Variants in OTULIN observed in about 807,000 individuals in gnomAD.
OTULIN encodes OTU deubiquitinase with linear linkage specificity, also known as ubiquitin thioesterase otulin.
Under a neutral mutation model 39.6 loss-of-function variants are expected in OTULIN, and 15 were observed. The observed-to-expected ratio is 0.38, with a 90% CI of 0.25 to 0.58. The LOEUF (loss-of-function observed/expected upper bound fraction) is 0.58. Ranked by LOEUF, OTULIN falls within the 20% of genes least tolerant of loss-of-function variation. OTULIN has a pLI of 0.66. For synonymous variants in OTULIN, 156 were observed against 170.3 expected, an observed-to-expected ratio of 0.92 and a Z score of 0.65; for missense variants, 319 against 445.9, an observed-to-expected ratio of 0.72 and a Z score of 2.56.
the OTULIN span, chr5:14,705,066 C>T: frequency 6.6e-6 from 1 of 152,150 alleles, no homozygotes; most frequent in Non-Finnish European, 1.5e-5. Flanking sequence ...TGCTCTGTTG[C>T]TCAGGCTGGA....
At chr5:14,671,348 C>T (rs900231983) in intron 1 of OTULIN, among the ~76,000 whole-genome samples, 18 of 152,218 alleles carry the variant, frequency 1.2e-4, no homozygotes, top group Admixed American at 9.8e-4. Flanking sequence ...GTAGCTTACA[C>T]GGCCTCTTCC....
Position 14,690,201 on chromosome 5 carries a change from G to T in OTULIN, c.757G>T (p.Val253Leu). 6.2e-7 allele frequency: 1 copy of T among 1,614,188 alleles called. No individual in the cohort carries two copies. Among genetic ancestry groups the T allele is most frequent in the Non-Finnish European group, 8.5e-7 (1 of 1,180,028 alleles). Residue 253 changes from valine to leucine, a missense_variant, in exon 6 of 7, where the codon GTA becomes TTA. Transcript: ENST00000284274. This position sits in a 1 kb window ranked among gnomAD's most constrained non-coding sequence, Gnocchi z 4.5. ...LYNDKEKGKE[V>L]PFFSVLLFAR... ...TAATGATAAAGAGAAAGGAAAGGAA[G>T]TACCATTTTTCTCTGTGCTTCTGTT... is the stretch of plus-strand genomic sequence containing the variant.
chr5:14,674,351 A>G (rs143567535), intron 2 of OTULIN, among the ~76,000 whole-genome samples: 1 of 152,356 alleles, frequency 6.6e-6, no homozygotes, highest in African/African-American at 2.4e-5. Context: ...GGAGCTGCAT[A>G]GGGTTACTCT....
chr5:14,713,841 G>C, the OTULIN span, among the ~76,000 whole-genome samples: 1 of 152,200 alleles, frequency 6.6e-6, no homozygotes, highest in African/African-American at 2.4e-5. The surrounding 1 kb of genome is among the most constrained non-coding windows in gnomAD (Gnocchi z 4.4). Flanking sequence ...CTGCTCCTGA[G>C]CCTAGGCCCG....
At chr5:14,703,735 C>T (rs1433489620), downstream of OTULIN, among the ~76,000 whole-genome samples, 1 of 152,178 alleles carries the variant, frequency 6.6e-6, no homozygotes, top group Admixed American at 6.5e-5. Context: ...CTAGGCCTGA[C>T]CCTATGCCAT....
intron 1 of OTULIN, among the ~76,000 whole-genome samples, chr5:14,671,922 A>G (rs1029459559): frequency 9.9e-5 from 15 of 152,168 alleles, no homozygotes; most frequent in African/African-American, 3.6e-4. Flanking sequence ...GAATACTCTT[A>G]CTGCCCTTTT....
intron 1 of OTULIN, 138 bp from the exon 2 acceptor site, chr5:14,673,504 A>G: frequency 2.0e-6 from 1 of 511,728 alleles, no homozygotes; most frequent in Non-Finnish European, 3.4e-6. Flanking sequence ...GAAGACTCAT[A>G]TTTTATTAGA....
At chr5:14,683,036 A>G (rs969832975) in intron 4 of OTULIN, among the ~76,000 whole-genome samples, 82 of 152,368 alleles carry the variant, frequency 5.4e-4, no homozygotes, top group African/African-American at 1.9e-3. Context: ...GGGCAAAACC[A>G]GGATTGATGG....
chr5:14,664,800 G>A lies in OTULIN; in HGVS notation c.-26G>A. 1 of 1,206,242 alleles carries A rather than the reference G, an allele frequency of 8.3e-7. No homozygotes were observed. The highest frequency in any genetic ancestry group is 1.0e-6 in the Non-Finnish European group (1 of 970,016). The allele number at this position is 1,206,242 out of a possible 1,614,324, so 74.7% of individuals were successfully genotyped here. Reference sequence around the variant, plus strand: ...GGCTCCGGATCGTTCGGAGCCGGCTGAACCCCTTCGGCCGCGAGCGACCGC... The same window carrying A: ...GGCTCCGGATCGTTCGGAGCCGGCTAAACCCCTTCGGCCGCGAGCGACCGC... On this transcript the variant is annotated 5_prime_UTR_variant, in exon 1 of 7. Coordinates refer to ENST00000284274, the MANE Select transcript of OTULIN (RefSeq NM_138348.6).
In OTULIN at chr5:14,697,403, C is replaced by T. The variant is rs1450108032; in HGVS notation, c.*4355C>T. On this transcript the variant is annotated 3_prime_UTR_variant, in exon 7 of 7. Transcript: ENST00000284274. ...TGTTGGCCAGGCTGGTCTCGAGCTC[C>T]TGGCCTCAGGTGATCCACCTGCTTT... 2 of 152,164 alleles carry T rather than the reference C, an allele frequency of 1.3e-5. No individual in the cohort carries two copies. Among genetic ancestry groups the T allele is most frequent in the African/African-American group, 2.4e-5 (1 of 41,414 alleles). 9.4% of individuals were successfully genotyped at this position (152,164 alleles called of 1,614,324 possible). A position where few individuals can be genotyped will look rare whatever the true frequency, so the allele number is the denominator to read the frequency against.
At chr5:14,686,683 A>AT (rs1736396218) in intron 4 of OTULIN, among the ~76,000 whole-genome samples, 2 of 152,044 alleles carry the variant, frequency 1.3e-5, no homozygotes, top group South Asian at 4.1e-4. Context: ...TAATTCTAGG[A>AT]TTTTTCTCCT....
chr5:14,679,946 A>G (rs534908191), intron 3 of OTULIN, among the ~76,000 whole-genome samples: 2 of 152,326 alleles, frequency 1.3e-5, no homozygotes, highest in African/African-American at 2.4e-5. Context: ...CCTCTAGCCC[A>G]TCAGGACCCA....
chr5:14,684,267 C>T (rs1485644089), intron 4 of OTULIN, among the ~76,000 whole-genome samples: 1 of 152,208 alleles, frequency 6.6e-6, no homozygotes, highest in Non-Finnish European at 1.5e-5. Flanking sequence ...TGAAGAACGT[C>T]TTTGTTCTTT....
chr5:14,703,463 C>T (rs1463196190), downstream of OTULIN, among the ~76,000 whole-genome samples: 1 of 151,600 alleles, frequency 6.6e-6, no homozygotes, highest in Admixed American at 6.6e-5. Context: ...AAGAGGAAGG[C>T]GTGGAAGGCA....
chr5:14,687,314 C>T (rs1294505508), intron 4 of OTULIN, among the ~76,000 whole-genome samples: 5 of 152,196 alleles, frequency 3.3e-5, no homozygotes, highest in African/African-American at 1.2e-4. Context: ...CATTTCACTC[C>T]AGCAGCCCTC....
At chr5:14,673,070 T>G (rs952409369) in intron 1 of OTULIN, among the ~76,000 whole-genome samples, 1 of 152,162 alleles carries the variant, frequency 6.6e-6, no homozygotes, top group Admixed American at 6.5e-5. Context: ...TGGGAATCTA[T>G]GTAACAGCTG....
In OTULIN at chr5:14,693,004, C is replaced by T; in HGVS notation, c.1015C>T (p.His339Tyr). Residue 339 changes from histidine to tyrosine, a missense_variant, in exon 7 of 7, where the codon CAC (histidine) becomes TAC (tyrosine). Physicochemically the swap from His to Tyr is moderately conservative, Grantham distance 83. Transcript: ENST00000284274. ...AACGCTCATTGCTGAGGACGATCGG[C>T]ACTATAACATCCCCGTCAGAGTGTG... ...VVTLIAEDDRHYNIPVRVCEE... is the reference protein window; with the variant it reads ...VVTLIAEDDRYYNIPVRVCEE... 6.2e-7 allele frequency: 1 copy of T among 1,614,090 alleles called. No individual in the cohort carries two copies. The highest frequency in any genetic ancestry group is 8.5e-7 in the Non-Finnish European group (1 of 1,179,980).
At chr5:14,687,049 T>G (rs1456323374) in intron 4 of OTULIN, among the ~76,000 whole-genome samples, 1 of 152,246 alleles carries the variant, frequency 6.6e-6, no homozygotes, top group Non-Finnish European at 1.5e-5. Context: ...TTGGTGGATT[T>G]TTTAAATGCC....
chr5:14,705,910 G>GT, the OTULIN span: 1 of 151,592 alleles, frequency 6.6e-6, no homozygotes, highest in Admixed American at 6.6e-5. Flanking sequence ...CTACCCGGTT[G>GT]TAATGTTCCC....
Sources: allele counts gnomAD v4.1 joint callset (sites outside exome capture counted in the v4.1 genomes callset), GRCh38; gene constraint gnomAD v4.1.1; non-coding constraint Gnocchi (gnomAD v3.1); transcripts MANE v1.5; gene names NCBI Gene and HGNC (gene_info 2026-07-23, HGNC 2026-07-21).